Variants in FHAD1 observed in about 807,000 individuals in gnomAD.
The protein encoded by FHAD1 is forkhead-associated domain-containing protein 1.
Under a neutral mutation model 191.3 loss-of-function variants are expected in FHAD1, and 146 were observed. That is an observed-to-expected ratio of 0.76 (90% CI 0.67 to 0.88). The LOEUF (loss-of-function observed/expected upper bound fraction) is 0.88. Ranked by LOEUF, FHAD1 falls within the 40% of genes least tolerant of loss-of-function variation. The pLI, the probability that FHAD1 is intolerant of heterozygous loss-of-function variation, is 0.00. For synonymous variants in FHAD1, 616 were observed against 672.3 expected (o/e 0.92, Z 1.29); for missense variants, 1,635 against 1,785.8 (o/e 0.92, Z 1.52).
chr1:15,271,596 T>C (rs1167096223), intron 2 of FHAD1, among the ~76,000 whole-genome samples: 1 of 74,676 alleles, frequency 1.3e-5, no homozygotes, highest in African/African-American at 5.0e-5. Flanking sequence ...GAATAGCTTT[T>C]AAAAAGCAAT....
chr1:15,342,596 A>G (rs1160001880), intron 16 of FHAD1, among the ~76,000 whole-genome samples: 1 of 152,158 alleles, frequency 6.6e-6, no homozygotes, highest in Non-Finnish European at 1.5e-5. Context: ...ATTAAATCAG[A>G]ACATCTGGAG....
rs750936412 is a variant in FHAD1 at position 15,381,329 on chromosome 1, G to T, written c.3900G>T (p.Lys1300Asn). 6.4e-7 allele frequency: 1 copy of T among 1,551,764 alleles called. No homozygotes were observed. The highest frequency in any genetic ancestry group is 1.4e-5 in the African/African-American group (1 of 73,158). ...ACCTCTCCCGCCAGGAGAGGGAGAA[G>T]GTCAACCAGCTTCGACAAAGGGACC... is the stretch of plus-strand genomic sequence containing the variant. ...MKYLSRQERE[K>N]VNQLRQRDLD... The change falls in exon 30 of 34, where the codon AAG (lysine) becomes AAT (asparagine). Residue 1300 changes from lysine to asparagine, a missense_variant. Physicochemically the swap from Lys to Asn is moderately conservative, Grantham distance 94. Transcript: ENST00000688493. The surrounding 1 kb of genome is among the most constrained non-coding windows in gnomAD (Gnocchi z 4.6).
chr1:15,363,721 C>T (rs1695535928), intron 23 of FHAD1: 1 of 456,216 alleles, frequency 2.2e-6, no homozygotes, highest in South Asian at 1.5e-5. Flanking sequence ...GATTTCAACT[C>T]TCCTGACCCT....
chr1:15,291,472 T>C (rs889996436), intron 4 of FHAD1, among the ~76,000 whole-genome samples: 2 of 152,196 alleles, frequency 1.3e-5, no homozygotes, highest in Non-Finnish European at 2.9e-5. Flanking sequence ...TTAAAATAAG[T>C]TTCCTACAGC....
At chr1:15,330,745 TGGG>T (rs751403742) in intron 14 of FHAD1, among the ~76,000 whole-genome samples, 2 of 152,010 alleles carry the variant, frequency 1.3e-5, no homozygotes, top group Non-Finnish European at 2.9e-5. Flanking sequence ...CTAACAGAAA[TGGG>T]AGCTTCCCAG....
rs1405197158 is a variant in FHAD1 at position 15,394,938 on chromosome 1, G to T, written c.4324-2359G>T. Among the ~76,000 whole-genome samples the T allele has an allele frequency of 2.6e-5, 4 of 152,122 alleles. No individual in the cohort carries two copies. In the East Asian group the frequency reaches 7.7e-4, roughly 29 times the overall value. ...AGAATTGTTTGCGAGAGAGATCTTG[G>T]GTTGCAGTTAACAAAAATCTACTCA... On this transcript the variant is annotated intron_variant, in intron 33 of 33. Coordinates refer to ENST00000688493, the MANE Select transcript of FHAD1 (RefSeq NM_001391957.1).
chr1:15,360,797 C>T (rs745984627), intron 22 of FHAD1, 94 bp downstream of exon 22: 7 of 1,037,850 alleles, frequency 6.7e-6, no homozygotes, highest in South Asian at 4.6e-5. Context: ...AGAAAAAGGC[C>T]GTGCCTCATT....
intron 7 of FHAD1, among the ~76,000 whole-genome samples, chr1:15,310,418 G>A (rs1378763517): frequency 2.0e-5 from 3 of 152,176 alleles, no homozygotes; most frequent in Admixed American, 2.0e-4. Flanking sequence ...GGCATCCCAG[G>A]GGGATCTCGC....
At position 15,358,150 on chromosome 1, in the gene FHAD1, ATAAAT is replaced by A. The variant is rs1255686616; in HGVS notation, c.2607_2611del (p.Leu870Ter). The A allele has an allele frequency of 6.6e-7, 1 of 1,517,080 alleles. No individual in the cohort carries two copies. The highest frequency in any genetic ancestry group is 8.8e-7 in the Non-Finnish European group (1 of 1,138,974). The allele number at this position is 1,517,080 out of a possible 1,614,324, so 94.0% of individuals were successfully genotyped here. A position where few individuals can be genotyped will look rare whatever the true frequency, so the allele number is the denominator to read the frequency against. ...GAGCAAAAAGAGGACGTTTTAAATA[ATAAAT>A]TAAGTGACGCACTGGCCATGGTTGA... is the stretch of plus-strand genomic sequence containing the variant. On this transcript the variant is annotated frameshift_variant, in exon 21 of 34. Coordinates refer to ENST00000688493, the MANE Select transcript of FHAD1 (RefSeq NM_001391957.1). LOFTEE classifies it high-confidence loss of function.
intron 16 of FHAD1, 58 bp downstream of exon 16, chr1:15,341,946 A>T (rs1006320777): frequency 6.7e-7 from 1 of 1,486,400 alleles, no homozygotes; most frequent in Non-Finnish European, 9.1e-7. Context: ...GGCCTTTTCT[A>T]TGGGAAATTG....
intron 1 of FHAD1, among the ~76,000 whole-genome samples, chr1:15,250,256 G>A (rs1354771874): frequency 2.6e-5 from 4 of 152,184 alleles, no homozygotes; most frequent in Non-Finnish European, 4.4e-5. Context: ...ATCTCAAATC[G>A]GATTCAAGCA....
Position 15,360,555 on chromosome 1 carries a change from C to G in FHAD1, c.2814C>G (p.His938Gln), listed in dbSNP as rs777926804. Reference sequence around the variant, plus strand: ...AGGATGAGCAGGAATCACAGAGACACGGGTTTGAAGAAGAGATCATGGAAT... The same window carrying G: ...AGGATGAGCAGGAATCACAGAGACAGGGGTTTGAAGAAGAGATCATGGAAT... ...ALQDEQESQR[H>Q]GFEEEIMEYK... The change falls in exon 22 of 34, where the codon CAC (histidine) becomes CAG (glutamine). Residue 938 changes from histidine to glutamine, a missense_variant. Physicochemically the swap from His to Gln is conservative, Grantham distance 24 (BLOSUM62 0). Transcript: ENST00000688493. 5.8e-6 allele frequency: 9 copies of G among 1,551,788 alleles called. No homozygotes were observed. The highest frequency in any genetic ancestry group is 2.0e-5 in the Admixed American group (1 of 50,958).
chr1:15,345,330 G>A (rs1688453679), intron 17 of FHAD1, 86 bp from the exon 18 acceptor site: 5 of 1,397,686 alleles, frequency 3.6e-6, no homozygotes, highest in Admixed American at 4.0e-5. Context: ...GTAGTCTGGA[G>A]GGAAGAGGAA....
chr1:15,378,282 CAAAAA>C (rs1171852699), intron 28 of FHAD1, among the ~76,000 whole-genome samples: 1 of 145,910 alleles, frequency 6.9e-6, no homozygotes, highest in African/African-American at 2.5e-5. Context: ...GAAACTCCGT[CAAAAA>C]AAAAAGAAAA....
At chr1:15,308,349 AC>A (rs1290070142) in intron 6 of FHAD1, among the ~76,000 whole-genome samples, 1 of 152,152 alleles carries the variant, frequency 6.6e-6, no homozygotes, top group African/African-American at 2.4e-5. Flanking sequence ...ACATTAAGAA[AC>A]CAGGTGTCCC....
chr1:15,302,411 C>CA (rs1030737907), intron 6 of FHAD1, among the ~76,000 whole-genome samples: 1 of 147,986 alleles, frequency 6.8e-6, no homozygotes, highest in Non-Finnish European at 1.5e-5. Context: ...GATTCAAATT[C>CA]TTTTTTTTTT....
In FHAD1 at chr1:15,397,321, A is replaced by G; in HGVS notation, c.4348A>G (p.Lys1450Glu). ...GGTTGGAACCAGAAAAGCCTCCCTA[A>G]AGATGGACCAAGAAAGAGAGATGCT... ...SQVGTRKASL[K>E]MDQEREMLRK... is the part of the protein sequence containing the mutation. The change falls in exon 34 of 34, where the codon AAG (lysine) becomes GAG (glutamate). Residue 1450 changes from lysine to glutamate, a missense_variant. Lys to Glu is a moderately conservative substitution (Grantham distance 56). Transcript: ENST00000688493. The G allele has an allele frequency of 6.5e-7, 1 of 1,539,904 alleles. No individual in the cohort carries two copies. Among genetic ancestry groups the G allele is most frequent in the Non-Finnish European group, 8.8e-7 (1 of 1,139,464 alleles).
intron 18 of FHAD1, among the ~76,000 whole-genome samples, chr1:15,346,906 C>T (rs1019027329): frequency 6.6e-6 from 1 of 152,192 alleles, no homozygotes; most frequent in Admixed American, 6.5e-5. Context: ...GAATGATTGC[C>T]GAGTAAACGG....
chr1:15,399,786 C>T (rs918406316), downstream of FHAD1, among the ~76,000 whole-genome samples: 2 of 152,116 alleles, frequency 1.3e-5, no homozygotes, highest in African/African-American at 4.8e-5. Flanking sequence ...AAAAAGGAGG[C>T]TGGAATAAAT....
Sources: gnomAD v4.1 joint callset for allele counts (sites outside exome capture counted in the v4.1 genomes callset) on GRCh38, gnomAD v4.1.1 for gene constraint, Gnocchi (gnomAD v3.1) non-coding constraint, MANE v1.5 for transcripts, NCBI Gene and HGNC (gene_info 2026-07-23, HGNC 2026-07-21) for gene names.